The following RABGAP1L variants were observed in gnomAD, a reference collection of about 807,000 sequenced individuals.
RABGAP1L encodes rab GTPase-activating protein 1-like.
A neutral mutation model predicts 137.7 loss-of-function variants in RABGAP1L; 63 were observed. The ratio of observed to expected loss-of-function variants is 0.46; its 90% CI spans 0.37 to 0.56. RABGAP1L has a LOEUF of 0.56. Ranked by LOEUF, RABGAP1L falls within the 20% of genes least tolerant of loss-of-function variation. The pLI is 0.00. For synonymous variants in RABGAP1L, 431 were observed against 433.7 expected (o/e 0.99, Z 0.08); for missense variants, 1,095 against 1,244.0 (o/e 0.88, Z 1.80).
chr1:174,233,126 A>T (rs1670826624), intron 4 of RABGAP1L, among the ~76,000 whole-genome samples: 2 of 152,056 alleles, frequency 1.3e-5, no homozygotes, highest in African/African-American at 4.8e-5. Flanking sequence ...TTTTATAAGG[A>T]TACTACTCTT....
rs141816798 is a variant in RABGAP1L at position 174,869,443 on chromosome 1, T to C, written c.2340+57483T>C. ...CTTTCCCTTCTCTCTCCTGCCGCCATGTGAAGAAGGTCCTTGCTTCCCCTT... is the reference window on the plus strand; with the variant it reads ...CTTTCCCTTCTCTCTCCTGCCGCCACGTGAAGAAGGTCCTTGCTTCCCCTT... On this transcript the variant is annotated intron_variant, in intron 19 of 25. Coordinates refer to ENST00000681986, the MANE Select transcript of RABGAP1L (RefSeq NM_001366446.1). Among the ~76,000 whole-genome samples, 18 of 152,292 alleles carry C rather than the reference T, an allele frequency of 1.2e-4. No homozygotes were observed. In the East Asian group the frequency reaches 3.3e-3, roughly 28 times the overall value.
At chr1:174,555,367 G>A (rs1666805460) in intron 13 of RABGAP1L, among the ~76,000 whole-genome samples, 1 of 152,100 alleles carries the variant, frequency 6.6e-6, no homozygotes, top group African/African-American at 2.4e-5. Flanking sequence ...CCCATCATTA[G>A]CTTTATGGCA....
intron 14 of RABGAP1L, among the ~76,000 whole-genome samples, chr1:174,678,521 C>CT (rs1307343604): frequency 6.6e-6 from 1 of 152,054 alleles, no homozygotes; most frequent in Non-Finnish European, 1.5e-5. Flanking sequence ...GATAATAACT[C>CT]TTGACCCATA....
chr1:174,168,082 TG>T (rs1665052185), intron 1 of RABGAP1L, among the ~76,000 whole-genome samples: 2 of 151,866 alleles, frequency 1.3e-5, no homozygotes, highest in South Asian at 4.2e-4. Flanking sequence ...CTGGCCAAGA[TG>T]GTGAAACCCC....
At chr1:174,262,334 G>A (rs749418728) in intron 7 of RABGAP1L, among the ~76,000 whole-genome samples, 7 of 152,102 alleles carry the variant, frequency 4.6e-5, no homozygotes, top group East Asian at 1.9e-4. Context: ...GTACTATTAC[G>A]TTTTTAGCAT....
intron 1 of RABGAP1L, among the ~76,000 whole-genome samples, chr1:174,175,958 A>T (rs1210829196): frequency 1.3e-5 from 2 of 152,144 alleles, no homozygotes; most frequent in African/African-American, 4.8e-5. Context: ...GTCCTGTATT[A>T]CTAACAGTTT....
intron 17 of RABGAP1L, among the ~76,000 whole-genome samples, chr1:174,708,229 G>A (rs1680196100): frequency 6.6e-6 from 1 of 152,134 alleles, no homozygotes; most frequent in Admixed American, 6.5e-5. Flanking sequence ...GTTGTTATCT[G>A]AAGAGTAGAT....
At chr1:174,416,348 A>G (rs1478870811) in intron 13 of RABGAP1L, among the ~76,000 whole-genome samples, 1 of 152,006 alleles carries the variant, frequency 6.6e-6, no homozygotes, top group Non-Finnish European at 1.5e-5. Context: ...AGACCTGGCT[A>G]CTTGGACTCC....
chr1:174,311,504 A>G (rs1412780298), intron 11 of RABGAP1L, among the ~76,000 whole-genome samples: 2 of 152,186 alleles, frequency 1.3e-5, no homozygotes, highest in Admixed American at 6.5e-5. Flanking sequence ...TTTAGATTCC[A>G]CAAATAAGTG....
intron 13 of RABGAP1L, among the ~76,000 whole-genome samples, chr1:174,588,484 T>C (rs534651556): frequency 1.3e-5 from 2 of 152,208 alleles, no homozygotes; most frequent in Non-Finnish European, 2.9e-5. Context: ...TATTTTTAAA[T>C]GTACAATAAA....
intron 11 of RABGAP1L, among the ~76,000 whole-genome samples, chr1:174,326,379 A>G (rs1366382787): frequency 1.3e-5 from 2 of 152,254 alleles, no homozygotes; most frequent in Non-Finnish European, 2.9e-5. Context: ...AAAATCAAAT[A>G]GAAATCCTGG....
At chr1:174,168,708 T>G (rs1284880946) in intron 1 of RABGAP1L, among the ~76,000 whole-genome samples, 1 of 152,220 alleles carries the variant, frequency 6.6e-6, no homozygotes, top group Non-Finnish European at 1.5e-5. Context: ...CCTGGCAAAG[T>G]TAATGGGGAA....
intron 19 of RABGAP1L, among the ~76,000 whole-genome samples, chr1:174,947,520 C>T (rs1039445161): frequency 2.6e-5 from 4 of 151,814 alleles, no homozygotes; most frequent in Admixed American, 1.3e-4. Context: ...TGGGTTCAAG[C>T]GATTCTCCTG....
intron 3 of RABGAP1L, among the ~76,000 whole-genome samples, chr1:174,228,776 A>G (rs141892546): frequency 8.4e-4 from 128 of 152,290 alleles, no homozygotes; most frequent in Admixed American, 2.4e-3. Context: ...TTAAAATCCT[A>G]TCCTACAAGA....
At chr1:174,957,637 G>T in intron 20 of RABGAP1L, 88 bp downstream of exon 20, 1 of 1,197,150 alleles carries the variant, frequency 8.4e-7, no homozygotes. Context: ...GGCTGGTCTT[G>T]AACACCTGGC....
rs551604795 is a variant in RABGAP1L at position 174,266,618 on chromosome 1, A to G, written c.987-5796A>G. ...TCTGCTGTTCAGTCCACAAGTCACTATATACATACATGATTAGTGACCAAT... is the reference window on the plus strand; with the variant it reads ...TCTGCTGTTCAGTCCACAAGTCACTGTATACATACATGATTAGTGACCAAT... On this transcript the variant is annotated intron_variant, in intron 7 of 25. Coordinates refer to ENST00000681986, the MANE Select transcript of RABGAP1L (RefSeq NM_001366446.1). 6.4e-4 allele frequency among the ~76,000 whole-genome samples: 98 copies of G among 152,324 alleles called. 2 individuals carry two copies. The South Asian group carries it at 0.02, about 31-fold the overall frequency.
chr1:174,861,087 A>T (rs1453829744), intron 19 of RABGAP1L, among the ~76,000 whole-genome samples: 7 of 152,100 alleles, frequency 4.6e-5, no homozygotes, highest in Non-Finnish European at 1.0e-4. Context: ...TTTGAGCAAC[A>T]TCTCTCTATC....
rs924286234 is a variant in RABGAP1L, at chr1:174,483,684, A to G, written c.1710+89539A>G. Among the ~76,000 whole-genome samples the G allele has an allele frequency of 5.5e-4, 84 of 152,090 alleles. 1 individual carries two copies. The highest frequency in any genetic ancestry group is 7.2e-4 in the Admixed American group (11 of 15,252). On this transcript the variant is annotated intron_variant, in intron 13 of 25. Transcript: ENST00000681986. The stretch of plus-strand genomic sequence containing the variant: ...TCTACTAAAAATACAAAAATTAGCC[A>G]GGCATTGTGGCAGGTGCCTGTAATC...
At chr1:174,219,393 C>A in intron 2 of RABGAP1L, 98 bp downstream of exon 2, 1 of 802,742 alleles carries the variant, frequency 1.2e-6, no homozygotes, top group South Asian at 3.2e-5. Context: ...CAAGTGCTGA[C>A]TTTCAAAATA....
Sources: allele counts gnomAD v4.1 joint callset (sites outside exome capture counted in the v4.1 genomes callset), GRCh38; gene constraint gnomAD v4.1.1; transcripts MANE v1.5; gene names NCBI Gene and HGNC (gene_info 2026-07-23, HGNC 2026-07-21).